The following AGBL4 variants were observed in gnomAD, a reference collection of about 807,000 sequenced individuals.
The protein encoded by AGBL4 is cytosolic carboxypeptidase 6.
Under a neutral mutation model 66.4 loss-of-function variants are expected in AGBL4, and 58 were observed. The ratio of observed to expected loss-of-function variants is 0.87; its 90% CI spans 0.71 to 1.09. The LOEUF is 1.09. AGBL4 is among the 50% of genes least tolerant of loss of function. AGBL4 has a pLI of 0.00. For missense variants in AGBL4, 579 were observed against 631.0 expected (o/e 0.92, Z 0.88); for synonymous variants, 234 against 222.9 (o/e 1.05, Z -0.44).
intron 3 of AGBL4, among the ~76,000 whole-genome samples, chr1:49,480,811 G>T (rs71417637): frequency 2.0e-5 from 3 of 151,972 alleles, no homozygotes; most frequent in Non-Finnish European, 4.4e-5. Flanking sequence ...GTTAATTTTT[G>T]TATGTGGTTT....
chr1:48,556,862 C>T (rs1156440299), intron 11 of AGBL4, among the ~76,000 whole-genome samples: 1 of 152,166 alleles, frequency 6.6e-6, no homozygotes, highest in Non-Finnish European at 1.5e-5. Context: ...GATCTCGGCT[C>T]ACTGCAACCT....
intron 3 of AGBL4, among the ~76,000 whole-genome samples, chr1:49,673,692 A>T (rs529934772): frequency 2.0e-5 from 3 of 152,202 alleles, no homozygotes; most frequent in Non-Finnish European, 4.4e-5. Flanking sequence ...GAATATTTAC[A>T]GAGCACTTAG....
intron 1 of AGBL4, 75 bp downstream of exon 1, chr1:50,023,688 C>A: frequency 6.7e-7 from 1 of 1,491,584 alleles, no homozygotes; most frequent in South Asian, 1.3e-5. Context: ...AGGACCATGC[C>A]CGAGTCCCCT....
chr1:48,925,043 A>C (rs1265311289), intron 5 of AGBL4, among the ~76,000 whole-genome samples: 5 of 152,022 alleles, frequency 3.3e-5, no homozygotes, highest in African/African-American at 1.2e-4. Flanking sequence ...ATCAAGAGAG[A>C]AGTAAGGTTT....
At chr1:48,577,100 C>T (rs1395391624) in intron 11 of AGBL4, among the ~76,000 whole-genome samples, 1 of 152,212 alleles carries the variant, frequency 6.6e-6, no homozygotes, top group Non-Finnish European at 1.5e-5. Flanking sequence ...TCCAACATAG[C>T]AGACAGTCCC....
At chr1:49,585,220 C>G (rs542714684) in intron 3 of AGBL4, among the ~76,000 whole-genome samples, 2 of 152,256 alleles carry the variant, frequency 1.3e-5, no homozygotes, top group Admixed American at 6.5e-5. Context: ...TATAATCTCT[C>G]CCTTTGAGTA....
At chr1:49,588,306 G>A (rs1310089285) in intron 3 of AGBL4, among the ~76,000 whole-genome samples, 1 of 152,082 alleles carries the variant, frequency 6.6e-6, no homozygotes, top group Non-Finnish European at 1.5e-5. Flanking sequence ...ACACTGCAGT[G>A]TACCTATTTG....
intron 2 of AGBL4, among the ~76,000 whole-genome samples, chr1:49,844,006 G>T (rs1300734633): frequency 6.6e-6 from 1 of 152,140 alleles, no homozygotes; most frequent in Non-Finnish European, 1.5e-5. Context: ...AGATACAGTG[G>T]TGAGCAAGGT....
At chr1:48,958,101 G>A (rs1185037845) in intron 5 of AGBL4, among the ~76,000 whole-genome samples, 5 of 151,796 alleles carry the variant, frequency 3.3e-5, no homozygotes, top group Admixed American at 6.6e-5. Context: ...CTCGTGATCC[G>A]CCTGCCTCGG....
intron 9 of AGBL4, among the ~76,000 whole-genome samples, chr1:48,633,634 A>G (rs1645624628): frequency 6.6e-6 from 1 of 152,094 alleles, no homozygotes; most frequent in African/African-American, 2.4e-5. Flanking sequence ...AAAAAGTTCT[A>G]TTTCTCTACC....
At chr1:49,444,681 G>A (rs1248182756) in intron 3 of AGBL4, among the ~76,000 whole-genome samples, 4 of 151,962 alleles carry the variant, frequency 2.6e-5, no homozygotes, top group Non-Finnish European at 4.4e-5. Context: ...GGTAAAATGA[G>A]TTTCCTGTAA....
intron 1 of AGBL4, among the ~76,000 whole-genome samples, chr1:49,921,427 A>T (rs1172975895): frequency 6.6e-6 from 1 of 152,190 alleles, no homozygotes; most frequent in Non-Finnish European, 1.5e-5. Context: ...ATATCTAAGT[A>T]TTAGGGTTCT....
At chr1:49,095,949 G>A (rs1645091256) in intron 4 of AGBL4, among the ~76,000 whole-genome samples, 1 of 151,932 alleles carries the variant, frequency 6.6e-6, no homozygotes, top group African/African-American at 2.4e-5. Flanking sequence ...ATCCGACAAA[G>A]GGCTAATATC....
chr1:49,918,022 T>A (rs878995514), intron 1 of AGBL4, among the ~76,000 whole-genome samples: 4 of 152,204 alleles, frequency 2.6e-5, no homozygotes, highest in Admixed American at 2.6e-4. Flanking sequence ...AATAAAGATG[T>A]TCTTTGAAAC....
intron 3 of AGBL4, among the ~76,000 whole-genome samples, chr1:49,246,764 T>C (rs1386475082): frequency 1.3e-5 from 2 of 152,044 alleles, no homozygotes. Context: ...GGAGAGATGA[T>C]GAGAGCTACG....
chr1:49,801,268 A>AC (rs1238640843), intron 2 of AGBL4, among the ~76,000 whole-genome samples: 1 of 152,186 alleles, frequency 6.6e-6, no homozygotes, highest in Non-Finnish European at 1.5e-5. Flanking sequence ...TCTCAGTCCT[A>AC]CAGCCACATG....
chr1:49,083,333 C>A (rs905148701), intron 4 of AGBL4, among the ~76,000 whole-genome samples: 6 of 152,224 alleles, frequency 3.9e-5, no homozygotes, highest in Non-Finnish European at 7.3e-5. Flanking sequence ...CCTGCCCCTG[C>A]AGAAAACTTT....
chr1:49,720,928 G>C (rs140586969), intron 2 of AGBL4, among the ~76,000 whole-genome samples: 2 of 152,262 alleles, frequency 1.3e-5, no homozygotes, highest in Non-Finnish European at 2.9e-5. Context: ...AAGGCAGAAA[G>C]ATCATCATGT....
At chr1:49,173,231 C>A (rs911931026) in intron 4 of AGBL4, among the ~76,000 whole-genome samples, 4 of 152,090 alleles carry the variant, frequency 2.6e-5, no homozygotes, top group Non-Finnish European at 5.9e-5. Context: ...ATGCCTATTA[C>A]GTATGAAGCC....
Sources: allele counts gnomAD v4.1 joint callset (sites outside exome capture counted in the v4.1 genomes callset), GRCh38; gene constraint gnomAD v4.1.1; transcripts MANE v1.5; gene names NCBI Gene and HGNC (gene_info 2026-07-23, HGNC 2026-07-21).